LDAF1: variants seen among roughly 807,000 people sequenced by gnomAD.
The protein encoded by LDAF1 is lipid droplet assembly factor 1.
A neutral mutation model predicts 13.5 loss-of-function variants in LDAF1; 7 were observed. That is an observed-to-expected ratio of 0.52 (90% CI 0.29 to 0.97). The LOEUF (loss-of-function observed/expected upper bound fraction) is 0.97. Among genes scored for constraint, LDAF1 ranks in the 50% least tolerant of loss-of-function variants. The probability of loss-of-function intolerance (pLI) is 0.07; values close to 1 mark genes in which losing one functional copy is unlikely to be tolerated. For missense variants in LDAF1, 148 were observed against 193.2 expected (o/e 0.77, Z 1.39); for synonymous variants, 69 against 77.1 (o/e 0.89, Z 0.55).
intron 2 of LDAF1, among the ~76,000 whole-genome samples, chr16:21,166,555 A>G (rs2093025916): frequency 6.6e-6 from 1 of 152,214 alleles, no homozygotes; most frequent in African/African-American, 2.4e-5. Flanking sequence ...TAGCAAGCCC[A>G]GTGTCCTGGT....
intron 1 of LDAF1, 132 bp from the exon 2 acceptor site, chr16:21,160,953 C>A: frequency 8.8e-7 from 1 of 1,130,764 alleles, no homozygotes; most frequent in Non-Finnish European, 1.2e-6. Flanking sequence ...TGTGTGCAAT[C>A]TGAAATTGTT....
At chr16:21,159,305 G>A (rs959354456) in intron 1 of LDAF1, 4 of 1,602,788 alleles carry the variant, frequency 2.5e-6, no homozygotes, top group Non-Finnish European at 3.4e-6. Flanking sequence ...TGCCTTCTGG[G>A]ACGCGGACCC....
chr16:21,176,031 C>CACT (rs2093135771), intron 4 of LDAF1, among the ~76,000 whole-genome samples: 1 of 152,172 alleles, frequency 6.6e-6, no homozygotes, highest in African/African-American at 2.4e-5. Flanking sequence ...AGGCGTAAGG[C>CACT]ACTAACTCAC....
chr16:21,178,771 G>A (rs8055894), intron 4 of LDAF1: 26,075 of 152,120 alleles, frequency 0.17, 2,601 homozygotes, highest in African/African-American at 0.27. Flanking sequence ...TCAGATGGCC[G>A]CTGGTTGCTG....
At chr16:21,160,738 A>G (rs2092963259) in intron 1 of LDAF1, among the ~76,000 whole-genome samples, 1 of 152,216 alleles carries the variant, frequency 6.6e-6, no homozygotes, top group Non-Finnish European at 1.5e-5. Flanking sequence ...ACATCACTAA[A>G]CAGTCACACT....
chr16:21,177,668 G>T (rs958491165), intron 4 of LDAF1, among the ~76,000 whole-genome samples: 1 of 134,864 alleles, frequency 7.4e-6, no homozygotes, highest in Non-Finnish European at 1.6e-5. Context: ...ACCCAGGCTG[G>T]AGTGCAGTGG....
intron 1 of LDAF1, chr16:21,159,342 C>T: frequency 3.1e-6 from 5 of 1,614,116 alleles, no homozygotes; most frequent in Non-Finnish European, 4.2e-6. Context: ...TCACTCCCTT[C>T]CTCCTCTCCT....
intron 3 of LDAF1, among the ~76,000 whole-genome samples, chr16:21,171,218 G>A (rs2093085470): frequency 6.6e-6 from 1 of 152,172 alleles, no homozygotes; most frequent in African/African-American, 2.4e-5. Flanking sequence ...ACTTCTCCCT[G>A]TATTCCTAAG....
intron 1 of LDAF1, 73 bp downstream of exon 1, chr16:21,158,819 A>G: frequency 6.2e-6 from 1 of 160,560 alleles, no homozygotes. Flanking sequence ...GGGCGGGGAC[A>G]GAGGAGGAGC....
chr16:21,179,282 T>C, intron 4 of LDAF1, 193 bp from the exon 5 acceptor site: 1 of 863,630 alleles, frequency 1.2e-6, no homozygotes, highest in Non-Finnish European at 1.4e-6. Context: ...GCCGTAACCC[T>C]ACTCCTAACC....
chr16:21,167,614 T>C (rs2093036168), intron 2 of LDAF1, among the ~76,000 whole-genome samples: 1 of 151,278 alleles, frequency 6.6e-6, no homozygotes, highest in Non-Finnish European at 1.5e-5. Flanking sequence ...GGTAACCAGG[T>C]TGATGACATA....
intron 3 of LDAF1, 60 bp from the exon 4 acceptor site, chr16:21,173,950 G>T (rs1015374994): frequency 6.5e-7 from 1 of 1,540,762 alleles, no homozygotes; most frequent in Non-Finnish European, 8.8e-7. Context: ...CTGACCCAGG[G>T]TCTGCCAGTT....
intron 2 of LDAF1, among the ~76,000 whole-genome samples, chr16:21,162,571 A>T (rs2092987024): frequency 6.6e-6 from 1 of 152,250 alleles, no homozygotes; most frequent in Admixed American, 6.5e-5. Flanking sequence ...TATATGTAAC[A>T]AAATGAACTA....
At chr16:21,172,941 G>A (rs2093103572) in intron 3 of LDAF1, 1 of 539,160 alleles carries the variant, frequency 1.9e-6, no homozygotes, top group African/African-American at 2.1e-5. Flanking sequence ...CAAAGGGAAG[G>A]ATGTCAGCCA....
chr16:21,164,988 T>C (rs2152843352), intron 2 of LDAF1, among the ~76,000 whole-genome samples: 1 of 152,370 alleles, frequency 6.6e-6, no homozygotes, highest in African/African-American at 2.4e-5. Context: ...GAGTGTTTAA[T>C]GAATGTTCTC....
chr16:21,163,090 CAT>C (rs1567899454), intron 2 of LDAF1, among the ~76,000 whole-genome samples: 1 of 152,184 alleles, frequency 6.6e-6, no homozygotes, highest in Admixed American at 6.5e-5. Flanking sequence ...TAATCACACA[CAT>C]GTATTTTCTG....
At chr16:21,178,616 G>A (rs2093159633) in intron 4 of LDAF1, among the ~76,000 whole-genome samples, 1 of 152,142 alleles carries the variant, frequency 6.6e-6, no homozygotes, top group African/African-American at 2.4e-5. Flanking sequence ...CAAGATAGCT[G>A]CTGCAGCTCC....
intron 2 of LDAF1, among the ~76,000 whole-genome samples, chr16:21,169,994 C>G (rs2093070640): frequency 2.6e-5 from 4 of 151,350 alleles, no homozygotes; most frequent in Admixed American, 2.0e-4. Context: ...GCTCTGTCTC[C>G]CAGGCTGGCG....
In LDAF1 at chr16:21,170,445, C is replaced by T. The variant is rs1272247325; in HGVS notation, c.105C>T (p.Ala35=). The T allele has an allele frequency of 1.9e-6, 3 of 1,614,008 alleles. No individual in the cohort carries two copies. Among genetic ancestry groups the T allele is most frequent in the Non-Finnish European group, 2.5e-6 (3 of 1,180,040 alleles). Residue 35 remains alanine, a synonymous_variant, in exon 3 of 5, where the codon GCC becomes GCT. Coordinates refer to ENST00000233047, the MANE Select transcript of LDAF1 (RefSeq NM_001301771.2). ...TTGTCCTTTGCCTACAGGTGGTGGC[C>T]TTTATGAAGTCTCCAGTGGGTCAGT... The part of the protein sequence containing the change: ...DSFQNNSKVV[A]FMKSPVGQYL...
Sources: gnomAD v4.1 joint callset for allele counts (sites outside exome capture counted in the v4.1 genomes callset) on GRCh38, gnomAD v4.1.1 for gene constraint, MANE v1.5 for transcripts, NCBI Gene and HGNC (gene_info 2026-07-23, HGNC 2026-07-21) for gene names.